The following ATP8A2 variants were observed in gnomAD, a reference collection of about 807,000 sequenced individuals.
ATP8A2 encodes phospholipid-transporting ATPase IB.
ATP8A2 carries 100 observed loss-of-function variants against 165.6 expected under a neutral mutation model. The observed-to-expected ratio is 0.60, with a 90% CI of 0.51 to 0.71. The LOEUF is 0.71. ATP8A2 is among the 30% of genes least tolerant of loss of function. The pLI is 0.00. For missense variants in ATP8A2, 1,227 were observed against 1,479.5 expected, an observed-to-expected ratio of 0.83 and a Z score of 2.80; for synonymous variants, 543 against 548.8, an observed-to-expected ratio of 0.99 and a Z score of 0.15.
Position 25,570,799 on chromosome 13 carries a change from C to A in ATP8A2, c.1506C>A (p.Thr502=), listed in dbSNP as rs369917626. The A allele has an allele frequency of 6.2e-7, 1 of 1,613,758 alleles. No homozygotes were observed. Among genetic ancestry groups the A allele is most frequent in the Admixed American group, 1.7e-5 (1 of 60,002 alleles). ...CCCCTTGCATTCAGGAGTTCCTCAC[C>A]CTTCTGGCCGTGTGCCACACGGTTG... ...PTAPCIQEFL[T]LLAVCHTVVP... Residue 502 remains threonine, a synonymous_variant, in exon 17 of 37, where the codon ACC becomes ACA. Transcript: ENST00000381655.
At chr13:25,797,212 G>A (rs1324910301) in intron 27 of ATP8A2, among the ~76,000 whole-genome samples, 2 of 152,144 alleles carry the variant, frequency 1.3e-5, no homozygotes, top group Non-Finnish European at 2.9e-5. Flanking sequence ...AGGTTGCAGT[G>A]AGCCAAGATC....
At chr13:25,519,109 G>A (rs2037574801) in intron 2 of ATP8A2, among the ~76,000 whole-genome samples, 1 of 152,126 alleles carries the variant, frequency 6.6e-6, no homozygotes, top group Non-Finnish European at 1.5e-5. Flanking sequence ...GTGGAGCAAC[G>A]GGAGCTCTCC....
chr13:25,482,898 A>T (rs1405755653), intron 2 of ATP8A2, among the ~76,000 whole-genome samples: 1 of 152,194 alleles, frequency 6.6e-6, no homozygotes, highest in Non-Finnish European at 1.5e-5. Flanking sequence ...ATTCCAATTA[A>T]ACCTCTTTCT....
At chr13:25,870,329 G>C (rs1952640546) in intron 33 of ATP8A2, among the ~76,000 whole-genome samples, 1 of 152,016 alleles carries the variant, frequency 6.6e-6, no homozygotes, top group Non-Finnish European at 1.5e-5. Flanking sequence ...GGTGGTTTTG[G>C]GAAATGCAAC....
chr13:25,963,209 C>T (rs1372653050), intron 34 of ATP8A2, among the ~76,000 whole-genome samples: 1 of 152,038 alleles, frequency 6.6e-6, no homozygotes, highest in African/African-American at 2.4e-5. Context: ...TCCTGGCCAA[C>T]ATTGAGAAAC....
intron 30 of ATP8A2, among the ~76,000 whole-genome samples, chr13:25,853,404 T>C (rs1351993208): frequency 9.0e-6 from 1 of 111,424 alleles, no homozygotes; most frequent in African/African-American, 2.9e-5. Context: ...AAAATATATA[T>C]ATATATGTAT....
chr13:25,676,465 T>C (rs1593179609), intron 24 of ATP8A2, among the ~76,000 whole-genome samples: 1 of 152,148 alleles, frequency 6.6e-6, no homozygotes, highest in Non-Finnish European at 1.5e-5. Context: ...TAACATCTAA[T>C]TGAGTTCTGA....
At chr13:25,897,419 C>G (rs1953591334) in intron 33 of ATP8A2, among the ~76,000 whole-genome samples, 1 of 152,156 alleles carries the variant, frequency 6.6e-6, no homozygotes, top group Non-Finnish European at 1.5e-5. Flanking sequence ...GTCTGATGGG[C>G]TTCCCTTTGT....
intron 27 of ATP8A2, among the ~76,000 whole-genome samples, chr13:25,813,101 G>A (rs973413873): frequency 6.6e-6 from 1 of 152,034 alleles, no homozygotes; most frequent in Admixed American, 6.6e-5. Context: ...AATAGCTAAG[G>A]CACGCTGGAC....
chr13:25,706,467 A>G (rs2043056922), intron 25 of ATP8A2, among the ~76,000 whole-genome samples: 1 of 152,058 alleles, frequency 6.6e-6, no homozygotes, highest in South Asian at 2.1e-4. Flanking sequence ...TAGCTTTTTT[A>G]CCTTAATGAG....
chr13:25,920,442 A>AG (rs1449956313), intron 33 of ATP8A2, among the ~76,000 whole-genome samples: 1 of 152,186 alleles, frequency 6.6e-6, no homozygotes, highest in Non-Finnish European at 1.5e-5. Context: ...CTTGTGAAAA[A>AG]GATGTCTTTG....
intron 33 of ATP8A2, among the ~76,000 whole-genome samples, chr13:25,894,150 G>A (rs1220474350): frequency 6.6e-6 from 1 of 152,006 alleles, no homozygotes; most frequent in Admixed American, 6.6e-5. Flanking sequence ...TTTCTTCTAG[G>A]GTTTTTATGG....
At chr13:25,881,454 C>T (rs903222276) in intron 33 of ATP8A2, among the ~76,000 whole-genome samples, 1 of 152,152 alleles carries the variant, frequency 6.6e-6, no homozygotes, top group Non-Finnish European at 1.5e-5. Context: ...TCCACACTTT[C>T]TTTAGCTCCT....
intron 27 of ATP8A2, among the ~76,000 whole-genome samples, chr13:25,801,077 T>C (rs1278905404): frequency 6.6e-6 from 1 of 152,162 alleles, no homozygotes; most frequent in African/African-American, 2.4e-5. Context: ...GGTTATTGTC[T>C]GAATAACATA....
chr13:25,769,317 C>T, intron 26 of ATP8A2, 88 bp downstream of exon 26: 1 of 1,321,714 alleles, frequency 7.6e-7, no homozygotes, highest in South Asian at 1.4e-5. Flanking sequence ...CAGTGCATCT[C>T]CAAACCTCTG....
chr13:25,862,103 A>G (rs2138764174), intron 32 of ATP8A2, among the ~76,000 whole-genome samples, 198 bp from the exon 33 acceptor site: 1 of 152,324 alleles, frequency 6.6e-6, no homozygotes, highest in South Asian at 2.1e-4. Context: ...CTTTGGGGCC[A>G]TTCATTACTT....
chr13:25,594,223 A>G lies in ATP8A2; in HGVS notation c.2211+4524A>G, dbSNP rs188795949. 7.9e-4 allele frequency among the ~76,000 whole-genome samples: 121 copies of G among 152,340 alleles called. 1 individual carries two copies. The highest frequency in any genetic ancestry group is 1.5e-3 in the Non-Finnish European group (104 of 68,020). On this transcript the variant is annotated intron_variant, in intron 24 of 36. Coordinates refer to ENST00000381655, the MANE Select transcript of ATP8A2 (RefSeq NM_016529.6). ...ATCTAATCATTTACTCTAAAATTTCACAAAATCTACTGCAAATTCGTGAAT... is the reference window on the plus strand; with the variant it reads ...ATCTAATCATTTACTCTAAAATTTCGCAAAATCTACTGCAAATTCGTGAAT...
At chr13:25,769,875 G>T (rs1213999967) in intron 26 of ATP8A2, among the ~76,000 whole-genome samples, 1 of 152,200 alleles carries the variant, frequency 6.6e-6, no homozygotes, top group Non-Finnish European at 1.5e-5. Context: ...AGCCTCGCAT[G>T]CCAGGGCTCC....
chr13:25,947,865 A>C (rs576913636), intron 33 of ATP8A2, among the ~76,000 whole-genome samples: 2 of 152,138 alleles, frequency 1.3e-5, no homozygotes, highest in South Asian at 4.2e-4. Flanking sequence ...TTCATCATCA[A>C]AGAGCGACAT....
Sources: allele counts gnomAD v4.1 joint callset (sites outside exome capture counted in the v4.1 genomes callset), GRCh38; gene constraint gnomAD v4.1.1; transcripts MANE v1.5; gene names NCBI Gene and HGNC (gene_info 2026-07-23, HGNC 2026-07-21).